TMEFF2: variants seen among roughly 807,000 people sequenced by gnomAD.
The protein encoded by TMEFF2 is tomoregulin-2.
A neutral mutation model predicts 53.8 loss-of-function variants in TMEFF2; 28 were observed. The ratio of observed to expected loss-of-function variants is 0.52; its 90% CI spans 0.39 to 0.71. TMEFF2 has a LOEUF of 0.71. Among genes scored for constraint, TMEFF2 ranks in the 30% least tolerant of loss-of-function variants. TMEFF2 has a pLI of 0.00. For missense variants in TMEFF2, 353 were observed against 455.2 expected, an observed-to-expected ratio of 0.78 and a Z score of 2.04; for synonymous variants, 162 against 166.3, an observed-to-expected ratio of 0.97 and a Z score of 0.20.
At chr2:192,154,005 G>A (rs1690449339) in intron 4 of TMEFF2, among the ~76,000 whole-genome samples, 1 of 151,870 alleles carries the variant, frequency 6.6e-6, no homozygotes, top group Non-Finnish European at 1.5e-5. Context: ...TAAATTTGAA[G>A]GCAGAGGAAG....
Position 191,950,080 on chromosome 2 carries a change from G to T in TMEFF2, c.*231C>A. 1.6e-6 allele frequency: 2 copies of T among 1,254,984 alleles called. No individual in the cohort carries two copies. Among genetic ancestry groups the T allele is most frequent in the South Asian group, 2.2e-5 (1 of 46,500 alleles). 77.7% of individuals were successfully genotyped at this position (1,254,984 alleles called of 1,614,324 possible). ...TACATGGGAAAGAAAAAACTATATT[G>T]TGTGATATAAATAGTTTATTTACAT... On this transcript the variant is annotated 3_prime_UTR_variant, in exon 10 of 10. Coordinates refer to ENST00000272771, the MANE Select transcript of TMEFF2 (RefSeq NM_016192.4).
chr2:192,185,492 T>G (rs7574018), intron 2 of TMEFF2, among the ~76,000 whole-genome samples: 3,244 of 152,198 alleles, frequency 0.021, 118 homozygotes, highest in African/African-American at 0.074. Context: ...AAACTCTATG[T>G]TTTACTTTTG....
intron 4 of TMEFF2, among the ~76,000 whole-genome samples, chr2:192,087,057 T>A (rs972380655): frequency 6.7e-6 from 1 of 150,308 alleles, no homozygotes; most frequent in Non-Finnish European, 1.5e-5. Flanking sequence ...ATTGTAAATA[T>A]TGATTTATAT....
At position 192,160,111 on chromosome 2, in the gene TMEFF2, A is replaced by C. The variant is rs184960481; in HGVS notation, c.439+19557T>G. On this transcript the variant is annotated intron_variant, in intron 4 of 9. Transcript: ENST00000272771. Reference sequence around the variant, plus strand: ...TGACTGCCTTCTAAAATTTTGAGAGACTTAGGCCTCTTAGGTGGAGCAAAT... The same window carrying C: ...TGACTGCCTTCTAAAATTTTGAGAGCCTTAGGCCTCTTAGGTGGAGCAAAT... Among the ~76,000 whole-genome samples the C allele has an allele frequency of 3.2e-4, 48 of 152,266 alleles. 1 individual carries two copies. The highest frequency in any genetic ancestry group is 3.4e-3 in the Middle Eastern group (1 of 294).
chr2:192,080,727 G>T (rs193165019), intron 4 of TMEFF2, among the ~76,000 whole-genome samples: 1 of 152,090 alleles, frequency 6.6e-6, no homozygotes, highest in Non-Finnish European at 1.5e-5. Context: ...ACTATATAGA[G>T]TAATCTCTTT....
At chr2:191,968,181 C>A (rs1479162420) in intron 7 of TMEFF2, among the ~76,000 whole-genome samples, 1 of 152,148 alleles carries the variant, frequency 6.6e-6, no homozygotes, top group Non-Finnish European at 1.5e-5. Flanking sequence ...GATAACACAG[C>A]TGAGAAAAGG....
At chr2:192,020,370 G>A (rs765267016) in intron 5 of TMEFF2, among the ~76,000 whole-genome samples, 6 of 151,930 alleles carry the variant, frequency 3.9e-5, no homozygotes, top group Admixed American at 6.6e-5. Context: ...TTAAAATGTC[G>A]TTATTTCATG....
At chr2:192,118,222 C>T (rs1410311221) in intron 4 of TMEFF2, among the ~76,000 whole-genome samples, 1 of 151,976 alleles carries the variant, frequency 6.6e-6, no homozygotes, top group Non-Finnish European at 1.5e-5. Flanking sequence ...GAATTTTAGA[C>T]TAGAGATTTT....
At position 191,950,591 on chromosome 2, in the gene TMEFF2, CTT is replaced by C. The variant is rs1448548460; in HGVS notation, c.1029-186_1029-185del. ...TTATTTTGCTTTTCTGTGCAGTTGT[CTT>C]TAAATTTTTGTTGGGAATTGAACAC... On this transcript the variant is annotated intron_variant, in intron 9 of 9. Coordinates refer to ENST00000272771, the MANE Select transcript of TMEFF2 (RefSeq NM_016192.4). 7 of 849,426 alleles carry C rather than the reference CTT, an allele frequency of 8.2e-6. No homozygotes were observed. The African/African-American group carries it at 8.6e-5, about 10-fold the overall frequency. 52.6% of individuals were successfully genotyped at this position (849,426 alleles called of 1,614,324 possible).
chr2:192,187,170 C>T (rs1346362008), intron 2 of TMEFF2, among the ~76,000 whole-genome samples: 1 of 152,036 alleles, frequency 6.6e-6, no homozygotes, highest in Non-Finnish European at 1.5e-5. Context: ...CCTAAGTTGT[C>T]CTATCTCTTT....
At chr2:192,080,832 A>G (rs1487221817) in intron 4 of TMEFF2, among the ~76,000 whole-genome samples, 1 of 151,982 alleles carries the variant, frequency 6.6e-6, no homozygotes, top group South Asian at 2.1e-4. Flanking sequence ...CTCATTATGT[A>G]TAATGCTTTG....
chr2:192,120,679 C>T (rs1055255085), intron 4 of TMEFF2, among the ~76,000 whole-genome samples: 1 of 152,084 alleles, frequency 6.6e-6, no homozygotes, highest in Admixed American at 6.6e-5. Context: ...TTTCTATTTG[C>T]CTTGAGCAAA....
intron 4 of TMEFF2, among the ~76,000 whole-genome samples, chr2:192,171,620 C>T (rs1034084656): frequency 6.6e-6 from 1 of 152,012 alleles, no homozygotes; most frequent in African/African-American, 2.4e-5. Flanking sequence ...CCTTGATGTT[C>T]TTGGAATATC....
rs1015628493 is a variant in TMEFF2 at position 191,995,063 on chromosome 2, A to C, written c.745+3199T>G. 5.3e-5 allele frequency among the ~76,000 whole-genome samples: 8 copies of C among 152,144 alleles called. No homozygotes were observed. In the East Asian group the frequency reaches 9.7e-4, roughly 18 times the overall value. On this transcript the variant is annotated intron_variant, in intron 7 of 9. Coordinates refer to ENST00000272771, the MANE Select transcript of TMEFF2 (RefSeq NM_016192.4). ...ATCATGGAATTCACATCTCTGAGCAAGTATGCCACACTCTAGTATACTGCA... is the reference window on the plus strand; with the variant it reads ...ATCATGGAATTCACATCTCTGAGCACGTATGCCACACTCTAGTATACTGCA...
intron 4 of TMEFF2, among the ~76,000 whole-genome samples, chr2:192,123,053 T>C (rs955237207): frequency 2.6e-5 from 4 of 152,144 alleles, no homozygotes; most frequent in Non-Finnish European, 5.9e-5. Context: ...GTATACCCAA[T>C]GGGAGAAAAA....
intron 4 of TMEFF2, among the ~76,000 whole-genome samples, chr2:192,176,254 T>C (rs1574437146): frequency 1.3e-5 from 2 of 151,434 alleles, no homozygotes; most frequent in South Asian, 4.1e-4. Flanking sequence ...TAGTTTATCT[T>C]GAATTTTTTT....
intron 4 of TMEFF2, among the ~76,000 whole-genome samples, chr2:192,176,017 G>C (rs963290037): frequency 5.3e-5 from 8 of 151,510 alleles, no homozygotes; most frequent in Non-Finnish European, 1.2e-4. Context: ...TGAATTTTGA[G>C]AGGAGGCACC....
At chr2:192,009,561 A>T (rs1055394262) in intron 5 of TMEFF2, among the ~76,000 whole-genome samples, 2 of 152,146 alleles carry the variant, frequency 1.3e-5, no homozygotes, top group African/African-American at 4.8e-5. Flanking sequence ...CTTCATGATT[A>T]TATCAATCTT....
intron 7 of TMEFF2, among the ~76,000 whole-genome samples, chr2:191,986,721 G>T: frequency 6.6e-6 from 1 of 151,884 alleles, no homozygotes; most frequent in East Asian, 1.9e-4. Context: ...AGCCAGGCAT[G>T]GTGGCGCATG....
Sources: gnomAD v4.1 joint callset for allele counts (sites outside exome capture counted in the v4.1 genomes callset) on GRCh38, gnomAD v4.1.1 for gene constraint, MANE v1.5 for transcripts, NCBI Gene and HGNC (gene_info 2026-07-23, HGNC 2026-07-21) for gene names.